SLC22A23: variants seen among roughly 807,000 people sequenced by gnomAD.
The protein encoded by SLC22A23 is ion transporter protein.
SLC22A23 carries 26 observed loss-of-function variants against 61.0 expected under a neutral mutation model. The observed-to-expected ratio is 0.43, with a 90% CI of 0.31 to 0.59. The LOEUF is 0.59. Among genes scored for constraint, SLC22A23 ranks in the 20% least tolerant of loss-of-function variants. The probability of loss-of-function intolerance (pLI) is 0.11; values close to 1 mark genes in which losing one functional copy is unlikely to be tolerated. For synonymous variants in SLC22A23, 430 were observed against 413.9 expected (o/e 1.04, Z -0.47); for missense variants, 796 against 934.7 (o/e 0.85, Z 1.94).
At chr6:3,412,498 T>C (rs910259750) in intron 2 of SLC22A23, among the ~76,000 whole-genome samples, 1 of 152,218 alleles carries the variant, frequency 6.6e-6, no homozygotes, top group African/African-American at 2.4e-5. Flanking sequence ...CAAGCATGGA[T>C]GGTTCTCCTA....
At chr6:3,438,190 A>G (rs1771348787) in intron 1 of SLC22A23, among the ~76,000 whole-genome samples, 1 of 152,188 alleles carries the variant, frequency 6.6e-6, no homozygotes, top group Admixed American at 6.5e-5. Flanking sequence ...AAGGAAGACA[A>G]CGCTACCAAG....
rs1244808218 is a variant in SLC22A23 at position 3,269,222 on chromosome 6, G to T, written c.*3833C>A. On this transcript the variant is annotated 3_prime_UTR_variant, in exon 10 of 10. Coordinates refer to ENST00000406686, the MANE Select transcript of SLC22A23 (RefSeq NM_015482.2). ...GAGAGTGGCACTTGGTAAACAGTGT[G>T]TGTTTAATCCAGCCTCTGCCTCTGA... The T allele has an allele frequency of 6.6e-6, 1 of 152,316 alleles. No individual in the cohort carries two copies. The highest frequency in any genetic ancestry group is 2.4e-5 in the African/African-American group (1 of 41,446). 9.4% of individuals were successfully genotyped at this position (152,316 alleles called of 1,614,324 possible). A position where few individuals can be genotyped will look rare whatever the true frequency, so the allele number is the denominator to read the frequency against.
At chr6:3,418,750 G>A (rs1030665173) in intron 1 of SLC22A23, among the ~76,000 whole-genome samples, 3 of 152,202 alleles carry the variant, frequency 2.0e-5, no homozygotes, top group Admixed American at 6.5e-5. Context: ...TAAACCAACT[G>A]GATTCCCAGG....
rs886305393 is a variant in SLC22A23 at position 3,414,280 on chromosome 6, C to T, written c.758+1472G>A. On this transcript the variant is annotated intron_variant, in intron 2 of 9. Transcript: ENST00000406686. This position sits in a 1 kb window ranked among gnomAD's most constrained non-coding sequence, Gnocchi z 5.1. ...TATTTCAATGTAGATTTCTGGGAAA[C>T]GGTATATTTTAGACCAATATAGCCC... Among the ~76,000 whole-genome samples, 3 of 151,976 alleles carry T rather than the reference C, an allele frequency of 2.0e-5. No individual in the cohort carries two copies. The highest frequency in any genetic ancestry group is 2.1e-4 in the South Asian group (1 of 4,816).
At chr6:3,315,270 A>G (rs1262810313) in intron 4 of SLC22A23, among the ~76,000 whole-genome samples, 2 of 152,102 alleles carry the variant, frequency 1.3e-5, no homozygotes, top group Non-Finnish European at 2.9e-5. Flanking sequence ...GCCTGCAGGG[A>G]GGTCGGGGGA....
In SLC22A23 at chr6:3,335,951, C is replaced by T. The variant is rs578008862; in HGVS notation, c.914-11949G>A. On this transcript the variant is annotated intron_variant, in intron 3 of 9. Coordinates refer to ENST00000406686, the MANE Select transcript of SLC22A23 (RefSeq NM_015482.2). ...AAAAATACAAAAAATTAGCCGGGCG[C>T]GGTGGCGGGCGCCTGTAGTCCCAGT... 2.9e-4 allele frequency among the ~76,000 whole-genome samples: 44 copies of T among 152,076 alleles called. No individual in the cohort carries two copies. The South Asian group carries it at 7.7e-3, about 27-fold the overall frequency.
At chr6:3,283,383 G>C (rs1242574641) in intron 9 of SLC22A23, 1 of 213,164 alleles carries the variant, frequency 4.7e-6, no homozygotes, top group Non-Finnish European at 9.7e-6. Context: ...AGTGAGCCAA[G>C]ATCATGCCAT....
In SLC22A23 at chr6:3,286,827, C is replaced by G; in HGVS notation, c.1546+32G>C. 1 of 1,547,884 alleles carries G rather than the reference C, an allele frequency of 6.5e-7. No individual in the cohort carries two copies. Among genetic ancestry groups the G allele is most frequent in the Non-Finnish European group, 8.8e-7 (1 of 1,141,536 alleles). The stretch of plus-strand genomic sequence containing the variant: ...CTTGGGGATCTGCCAGCTTCCCTCC[C>G]TGCACCCAGCCCACCTCCCCGACCC... On this transcript the variant is annotated intron_variant, in intron 7 of 9. Coordinates refer to ENST00000406686, the MANE Select transcript of SLC22A23 (RefSeq NM_015482.2). The surrounding 1 kb of genome is among the most constrained non-coding windows in gnomAD (Gnocchi z 4.2).
rs917228484 is a variant in SLC22A23, at chr6:3,270,180, G to C, written c.*2875C>G. Reference sequence around the variant, plus strand: ...GCGGAACGGAGGGGTGTGTGGAGGAGAGTAGCAGGGGGTGGGAGGGTCAAG... The same window carrying C: ...GCGGAACGGAGGGGTGTGTGGAGGACAGTAGCAGGGGGTGGGAGGGTCAAG... On this transcript the variant is annotated 3_prime_UTR_variant, in exon 10 of 10. Coordinates refer to ENST00000406686, the MANE Select transcript of SLC22A23 (RefSeq NM_015482.2). 3 of 152,440 alleles carry C rather than the reference G, an allele frequency of 2.0e-5. No homozygotes were observed. Among genetic ancestry groups the C allele is most frequent in the Admixed American group, 6.5e-5 (1 of 15,290 alleles). The allele number at this position is 152,440 out of a possible 1,614,324, so 9.4% of individuals were successfully genotyped here.
chr6:3,303,332 G>A (rs1761751176), intron 4 of SLC22A23: 1 of 152,332 alleles, frequency 6.6e-6, no homozygotes, highest in Non-Finnish European at 1.5e-5. Context: ...ATTACCTCAT[G>A]ACCCAGCAAT....
intron 9 of SLC22A23, among the ~76,000 whole-genome samples, chr6:3,276,472 A>G (rs1478589679): frequency 3.3e-5 from 5 of 152,168 alleles, no homozygotes; most frequent in African/African-American, 7.2e-5. Flanking sequence ...CCTAGAACAC[A>G]GAGCTAATCA....
chr6:3,428,774 C>A (rs1770668223), intron 1 of SLC22A23, among the ~76,000 whole-genome samples: 1 of 152,222 alleles, frequency 6.6e-6, no homozygotes, highest in Admixed American at 6.5e-5. Flanking sequence ...CACTTCTAAG[C>A]CAGCAGTTGA....
intron 3 of SLC22A23, among the ~76,000 whole-genome samples, chr6:3,363,684 C>T (rs923850774): frequency 3.3e-5 from 5 of 152,246 alleles, no homozygotes; most frequent in South Asian, 2.1e-4. Flanking sequence ...AAAAGCACAG[C>T]GTTCCAGCCT....
intron 1 of SLC22A23, among the ~76,000 whole-genome samples, chr6:3,422,787 T>A (rs1418596027): frequency 6.6e-6 from 1 of 152,184 alleles, no homozygotes. Context: ...TCTTTCCTTT[T>A]TTCTACCTTA....
intron 5 of SLC22A23, among the ~76,000 whole-genome samples, chr6:3,296,426 C>G (rs138637292): frequency 2.6e-5 from 4 of 152,334 alleles, no homozygotes; most frequent in Non-Finnish European, 4.4e-5. Context: ...GTTTCCTCAT[C>G]GGCAAACGGG....
intron 1 of SLC22A23, among the ~76,000 whole-genome samples, chr6:3,436,053 C>A (rs1771186915): frequency 6.6e-6 from 1 of 152,122 alleles, no homozygotes; most frequent in African/African-American, 2.4e-5. Flanking sequence ...CAAGCTAATA[C>A]AGCGTGAGAA....
chr6:3,279,665 T>TGG (rs1203535551), intron 9 of SLC22A23, among the ~76,000 whole-genome samples: 1 of 152,018 alleles, frequency 6.6e-6, no homozygotes. Flanking sequence ...TTTAAGGTGT[T>TGG]GGGTTCCTTT....
At chr6:3,373,039 G>C (rs1766327403) in intron 3 of SLC22A23, among the ~76,000 whole-genome samples, 1 of 152,184 alleles carries the variant, frequency 6.6e-6, no homozygotes. Context: ...TGGGAAGTTG[G>C]ATTCCGAAGG....
chr6:3,378,657 CTTTTTTT>C (rs574704294), intron 3 of SLC22A23, among the ~76,000 whole-genome samples: 22 of 119,058 alleles, frequency 1.8e-4, no homozygotes, highest in African/African-American at 3.1e-4. Context: ...TTTCTTTTTT[CTTTTTTT>C]TTTTTTTTTT....
Sources: allele counts gnomAD v4.1 joint callset (sites outside exome capture counted in the v4.1 genomes callset), GRCh38; gene constraint gnomAD v4.1.1; non-coding constraint Gnocchi (gnomAD v3.1); transcripts MANE v1.5; gene names NCBI Gene and HGNC (gene_info 2026-07-23, HGNC 2026-07-21).